The following PPA1 variants were observed in gnomAD, a reference collection of about 807,000 sequenced individuals.
PPA1 encodes inorganic pyrophosphatase.
A neutral mutation model predicts 41.8 loss-of-function variants in PPA1; 23 were observed. The ratio of observed to expected loss-of-function variants is 0.55; its 90% CI spans 0.40 to 0.78. The LOEUF (loss-of-function observed/expected upper bound fraction) is 0.78, where lower values mean the gene tolerates loss of function less well. PPA1 is among the 30% of genes least tolerant of loss of function. The pLI, the probability that PPA1 is intolerant of heterozygous loss-of-function variation, is 0.00. For missense variants in PPA1, 320 were observed against 361.6 expected (o/e 0.89, Z 0.93); for synonymous variants, 101 against 116.8 (o/e 0.86, Z 0.87).
intron 6 of PPA1, chr10:70,209,949 A>G: frequency 2.3e-6 from 1 of 431,736 alleles, no homozygotes; most frequent in African/African-American, 2.0e-5. Flanking sequence ...CTAAGTACAG[A>G]GAACAATCAG....
At chr10:70,207,824 TTTTG>T (rs1305350162) in intron 8 of PPA1, among the ~76,000 whole-genome samples, 3 of 152,344 alleles carry the variant, frequency 2.0e-5, no homozygotes, top group South Asian at 2.1e-4. Flanking sequence ...TACATTTTAT[TTTTG>T]TTTATCCGTA....
At chr10:70,206,181 G>A (rs538582612) in intron 9 of PPA1, 83 bp downstream of exon 9, 54 of 1,106,434 alleles carry the variant, frequency 4.9e-5, no homozygotes, top group African/African-American at 4.4e-4. Flanking sequence ...AGTATTTGTC[G>A]AAACAAGTAC....
At chr10:70,209,035 C>A (rs1839982907) in intron 8 of PPA1, among the ~76,000 whole-genome samples, 170 bp downstream of exon 8, 1 of 152,180 alleles carries the variant, frequency 6.6e-6, no homozygotes, top group South Asian at 2.1e-4. Context: ...CTCAAGCAAT[C>A]CATCCACCTT....
intron 2 of PPA1, among the ~76,000 whole-genome samples, chr10:70,219,751 G>A (rs928275887): frequency 1.3e-5 from 2 of 152,140 alleles, no homozygotes; most frequent in Admixed American, 1.3e-4. Flanking sequence ...TCCCAGATGT[G>A]CAGTTTAAAA....
chr10:70,210,884 G>C (rs1840010469), intron 6 of PPA1, among the ~76,000 whole-genome samples: 1 of 151,658 alleles, frequency 6.6e-6, no homozygotes. Context: ...TCCTGCCTCA[G>C]CCTCCTGAGT....
At chr10:70,207,185 G>A (rs1176111047) in intron 8 of PPA1, among the ~76,000 whole-genome samples, 7 of 151,902 alleles carry the variant, frequency 4.6e-5, no homozygotes, top group East Asian at 3.9e-4. Flanking sequence ...ATACTGAAAC[G>A]GTAATTTACA....
intron 8 of PPA1, among the ~76,000 whole-genome samples, chr10:70,208,267 C>T (rs562459389): frequency 4.6e-5 from 7 of 152,200 alleles, no homozygotes; most frequent in African/African-American, 1.7e-4. Context: ...ATTTAACATA[C>T]ATTAAGACCA....
In PPA1 at chr10:70,227,078, T is replaced by C. The variant is rs149333600; in HGVS notation, c.123+3263A>G. On this transcript the variant is annotated intron_variant, in intron 2 of 10. Coordinates refer to ENST00000373232, the MANE Select transcript of PPA1 (RefSeq NM_021129.4). ...AAGCTTTTATCTACCCAGTGTTTCATACTGTTTATACCATGTTTTGGAAAA... is the reference window on the plus strand; with the variant it reads ...AAGCTTTTATCTACCCAGTGTTTCACACTGTTTATACCATGTTTTGGAAAA... 1.3e-3 allele frequency among the ~76,000 whole-genome samples: 196 copies of C among 152,352 alleles called. 2 individuals are homozygous for C. The highest frequency in any genetic ancestry group is 4.3e-3 in the African/African-American group (177 of 41,592).
At chr10:70,221,941 A>G (rs1322539222) in intron 2 of PPA1, among the ~76,000 whole-genome samples, 2 of 152,196 alleles carry the variant, frequency 1.3e-5, no homozygotes, top group Non-Finnish European at 2.9e-5. Flanking sequence ...TACATAATTA[A>G]TGGGAAGGAA....
intron 2 of PPA1, among the ~76,000 whole-genome samples, chr10:70,229,064 G>C (rs572942084): frequency 2.6e-5 from 4 of 152,160 alleles, no homozygotes; most frequent in Non-Finnish European, 5.9e-5. Context: ...AAACTGAAAG[G>C]TAGAAAAAGA....
intron 1 of PPA1, among the ~76,000 whole-genome samples, chr10:70,230,639 T>C (rs1338017728): frequency 2.6e-5 from 4 of 152,142 alleles, no homozygotes; most frequent in Non-Finnish European, 1.5e-5. Flanking sequence ...GGCTAATTTT[T>C]GTGTCTTTTG....
At chr10:70,225,241 CAG>C (rs1222183625) in intron 2 of PPA1, among the ~76,000 whole-genome samples, 2 of 150,866 alleles carry the variant, frequency 1.3e-5, no homozygotes, top group East Asian at 2.0e-4. Flanking sequence ...TATTTAGAGA[CAG>C]AGTCTCACCT....
Position 70,233,420 on chromosome 10 carries a change from C to A in PPA1, c.-93G>T, listed in dbSNP as rs997137241. On this transcript the variant is annotated 5_prime_UTR_variant, in exon 1 of 11. Coordinates refer to ENST00000373232, the MANE Select transcript of PPA1 (RefSeq NM_021129.4). Reference sequence around the variant, plus strand: ...GAGAGAGCCCCACGCCTGCGCACTGCGAGCACTGGACCGGCGGGCGGGGCG... The same window carrying A: ...GAGAGAGCCCCACGCCTGCGCACTGAGAGCACTGGACCGGCGGGCGGGGCG... 1.8e-5 allele frequency: 27 copies of A among 1,471,540 alleles called. No individual in the cohort carries two copies. The highest frequency in any genetic ancestry group is 2.1e-5 in the Non-Finnish European group (24 of 1,116,528). The allele number at this position is 1,471,540 out of a possible 1,614,324, so 91.2% of individuals were successfully genotyped here.
chr10:70,204,292 T>TGAGATGG (rs1222101232), intron 10 of PPA1: 2 of 152,258 alleles, frequency 1.3e-5, no homozygotes, highest in Non-Finnish European at 2.9e-5. Context: ...TTTGGGAGGC[T>TGAGATGG]GAGATGGGAG....
At chr10:70,230,975 T>C (rs1211316416) in intron 1 of PPA1, among the ~76,000 whole-genome samples, 1 of 152,190 alleles carries the variant, frequency 6.6e-6, no homozygotes, top group Non-Finnish European at 1.5e-5. Context: ...GGACTGATCT[T>C]ACATCAGTTA....
At chr10:70,221,880 A>C (rs181089866) in intron 2 of PPA1, among the ~76,000 whole-genome samples, 72 of 152,354 alleles carry the variant, frequency 4.7e-4, no homozygotes, top group African/African-American at 1.7e-3. Context: ...ATAGCAGTAA[A>C]TGACAAATAT....
At chr10:70,214,037 G>A (rs1244790419) in intron 5 of PPA1, among the ~76,000 whole-genome samples, 1 of 152,190 alleles carries the variant, frequency 6.6e-6, no homozygotes, top group Non-Finnish European at 1.5e-5. Flanking sequence ...GCACCTGAGA[G>A]AGACATAAAG....
intron 2 of PPA1, among the ~76,000 whole-genome samples, chr10:70,221,076 A>ATTTTTT (rs11310336): frequency 2.5e-5 from 1 of 40,024 alleles, no homozygotes; most frequent in African/African-American, 2.0e-4. Context: ...ATATATATAT[A>ATTTTTT]TTTTTTTTTT....
intron 8 of PPA1, among the ~76,000 whole-genome samples, chr10:70,206,642 G>A (rs377361062): frequency 4.6e-5 from 7 of 151,142 alleles, no homozygotes; most frequent in African/African-American, 1.5e-4. Flanking sequence ...TCAAGAGATC[G>A]AGACCATCCT....
Sources: gnomAD v4.1 joint callset for allele counts (sites outside exome capture counted in the v4.1 genomes callset) on GRCh38, gnomAD v4.1.1 for gene constraint, MANE v1.5 for transcripts, NCBI Gene and HGNC (gene_info 2026-07-23, HGNC 2026-07-21) for gene names.